Variants in RBM19 observed in about 807,000 individuals in gnomAD.
The protein encoded by RBM19 is probable RNA-binding protein 19.
In RBM19, 94 loss-of-function variants were observed where a neutral mutation model predicts 116.8. The observed-to-expected ratio is 0.80, with a 90% confidence interval of 0.68 to 0.95. The LOEUF (loss-of-function observed/expected upper bound fraction) is 0.95, where lower values mean the gene tolerates loss of function less well. RBM19 is among the 40% of genes least tolerant of loss of function. The pLI is 0.00. For synonymous variants in RBM19, 475 were observed against 494.1 expected, an observed-to-expected ratio of 0.96 and a Z score of 0.51; for missense variants, 1,161 against 1,220.7, an observed-to-expected ratio of 0.95 and a Z score of 0.73.
intron 23 of RBM19, among the ~76,000 whole-genome samples, chr12:113,841,667 C>A (rs1876490600): frequency 6.6e-6 from 1 of 152,116 alleles, no homozygotes; most frequent in African/African-American, 2.4e-5. Flanking sequence ...TCAAGTGATC[C>A]ACCCACCTCG....
chr12:113,832,018 C>T (rs937390275), intron 23 of RBM19, among the ~76,000 whole-genome samples: 1 of 152,130 alleles, frequency 6.6e-6, no homozygotes, highest in African/African-American at 2.4e-5. Context: ...AATTCCCTCT[C>T]CTTGATTTTT....
intron 6 of RBM19, 128 bp from the exon 7 acceptor site, chr12:113,955,339 G>T: frequency 3.4e-6 from 3 of 890,380 alleles, no homozygotes; most frequent in Non-Finnish European, 5.5e-6. Context: ...GGAATGCTGG[G>T]AAGAATCAAT....
downstream of RBM19, among the ~76,000 whole-genome samples, chr12:113,818,608 G>C (rs922592246): frequency 6.6e-6 from 1 of 152,258 alleles, no homozygotes; most frequent in African/African-American, 2.4e-5. Flanking sequence ...CACTAGGCAT[G>C]ACACAGTCTG....
downstream of RBM19, chr12:113,817,081 T>C (rs1874079265): frequency 6.6e-6 from 1 of 152,162 alleles, no homozygotes; most frequent in African/African-American, 2.4e-5. Context: ...AATCCTTTCC[T>C]AGACGCTGCG....
In RBM19 at chr12:113,952,554, CT is replaced by C. The variant is rs746134617; in HGVS notation, c.957del (p.Val320TrpfsTer6). 5 of 1,613,940 alleles carry C rather than the reference CT, an allele frequency of 3.1e-6. No homozygotes were observed. In the East Asian group the frequency reaches 1.1e-4, roughly 36 times the overall value. On this transcript the variant is annotated frameshift_variant, in exon 8 of 24. Coordinates refer to ENST00000261741, the MANE Select transcript of RBM19 (RefSeq NM_016196.4). LOFTEE classifies it high-confidence loss of function. ...GCGTTTCTCACAATTCGAATGGCCA[CT>C]GGTTTCAGGGGTGCCAGGAATTCCA... ...NVMEFLAPLK[P>X]VAIRIVRNAH... is the part of the protein sequence containing the mutation.
Position 113,942,381 on chromosome 12 carries a change from G to A in RBM19, c.1680C>T (p.Val560=), listed in dbSNP as rs749561341. 1.2e-6 allele frequency: 2 copies of A among 1,609,498 alleles called. No homozygotes were observed. The highest frequency in any genetic ancestry group is 1.7e-6 in the Non-Finnish European group (2 of 1,179,942). The part of the protein sequence containing the change: ...VRVALGETQL[V]QEVRRFLIDN... ...CTATGAGAAAACGCCGCACTTCCTG[G>A]ACGAGCTGGGTTTCCCCCAGAGCCA... Residue 560 remains valine, a synonymous_variant, in exon 14 of 24, where the codon GTC becomes GTT. Coordinates refer to ENST00000261741, the MANE Select transcript of RBM19 (RefSeq NM_016196.4).
At chr12:113,845,291 C>T (rs539253375) in intron 22 of RBM19, among the ~76,000 whole-genome samples, 133 of 152,294 alleles carry the variant, frequency 8.7e-4, no homozygotes, top group African/African-American at 3.0e-3. Flanking sequence ...CAGTGCCCTT[C>T]GCTTCCTCGC....
At chr12:113,823,922 G>A (rs1874637042) in intron 23 of RBM19, among the ~76,000 whole-genome samples, 2 of 152,216 alleles carry the variant, frequency 1.3e-5, no homozygotes, top group South Asian at 4.1e-4. Context: ...AGTGGTGGGT[G>A]AATAGAACAG....
chr12:113,822,969 G>A lies in RBM19; in HGVS notation c.*255C>T, dbSNP rs1318621803. 11 of 475,904 alleles carry A rather than the reference G, an allele frequency of 2.3e-5. No homozygotes were observed. The highest frequency in any genetic ancestry group is 1.8e-4 in the Admixed American group (5 of 27,858). The allele number at this position is 475,904 out of a possible 1,614,324, so 29.5% of individuals were successfully genotyped here. A position where few individuals can be genotyped will look rare whatever the true frequency, so the allele number is the denominator to read the frequency against. On this transcript the variant is annotated 3_prime_UTR_variant, in exon 24 of 24. Coordinates refer to ENST00000261741, the MANE Select transcript of RBM19 (RefSeq NM_016196.4). ...CGTGGCTGCTCCCTTGGACTCTTCC[G>A]TGTCTGCTACAGAGCAGGTGCGCAG...
chr12:113,827,453 C>T (rs998392250), intron 23 of RBM19, among the ~76,000 whole-genome samples: 8 of 136,846 alleles, frequency 5.8e-5, no homozygotes, highest in Admixed American at 4.6e-4. Context: ...CCCTGGCTGG[C>T]GCTGTCGGCC....
downstream of RBM19, chr12:113,817,058 C>T (rs1458126197): frequency 6.6e-6 from 1 of 152,220 alleles, no homozygotes; most frequent in African/African-American, 2.4e-5. Context: ...AGCCTGCGTG[C>T]TCTGCTCACA....
chr12:113,889,683 A>C lies in RBM19; in HGVS notation c.2558+25286T>G, dbSNP rs533879920. Among the ~76,000 whole-genome samples, 4 of 151,840 alleles carry C rather than the reference A, an allele frequency of 2.6e-5. No individual in the cohort carries two copies. In the East Asian group the frequency reaches 5.8e-4, roughly 22 times the overall value. On this transcript the variant is annotated intron_variant, in intron 21 of 23. Transcript: ENST00000261741. The stretch of plus-strand genomic sequence containing the variant: ...AAAACAAACAAACAACAAAAAAAAA[A>C]ACAAAAAGACCCCAAAACCCAAACA...
intron 21 of RBM19, among the ~76,000 whole-genome samples, chr12:113,879,082 C>T (rs891177869): frequency 2.0e-5 from 3 of 152,126 alleles, no homozygotes; most frequent in African/African-American, 7.2e-5. Context: ...GCTTCCCCGT[C>T]CCCGCCAGCG....
intron 16 of RBM19, 153 bp downstream of exon 16, chr12:113,936,854 C>T (rs995067275): frequency 2.0e-6 from 2 of 993,696 alleles, no homozygotes; most frequent in African/African-American, 3.3e-5. Context: ...CAGGACATGC[C>T]CATAAAATCT....
At chr12:113,867,173 G>A (rs1406021463) in intron 21 of RBM19, among the ~76,000 whole-genome samples, 1 of 152,222 alleles carries the variant, frequency 6.6e-6, no homozygotes, top group Non-Finnish European at 1.5e-5. Flanking sequence ...GCTCCTTGGG[G>A]ACAGAGAGGG....
intron 23 of RBM19, among the ~76,000 whole-genome samples, chr12:113,831,833 G>C (rs1164107193): frequency 6.6e-6 from 1 of 152,220 alleles, no homozygotes; most frequent in Non-Finnish European, 1.5e-5. Flanking sequence ...GGCGTGGGGA[G>C]TGGAAGGAAG....
intron 12 of RBM19, 87 bp downstream of exon 12, chr12:113,946,267 C>T: frequency 6.3e-7 from 1 of 1,578,122 alleles, no homozygotes; most frequent in Non-Finnish European, 8.7e-7. Context: ...CATCAGGAGT[C>T]AGAAGACCCA....
chr12:113,934,738 A>G (rs1363918696), intron 16 of RBM19, among the ~76,000 whole-genome samples: 7 of 152,198 alleles, frequency 4.6e-5, no homozygotes, highest in Admixed American at 3.3e-4. Context: ...AGCCCCCTCT[A>G]TTATTTTGAT....
intron 22 of RBM19, among the ~76,000 whole-genome samples, chr12:113,858,288 C>T (rs369264398): frequency 1.3e-5 from 2 of 152,360 alleles, no homozygotes. Flanking sequence ...CATGCAGCTG[C>T]ACCTGCAGGG....
Sources: gnomAD v4.1 joint callset for allele counts (sites outside exome capture counted in the v4.1 genomes callset) on GRCh38, gnomAD v4.1.1 for gene constraint, MANE v1.5 for transcripts, NCBI Gene and HGNC (gene_info 2026-07-23, HGNC 2026-07-21) for gene names.